ZCCHC7: variants seen among roughly 807,000 people sequenced by gnomAD.
The protein encoded by ZCCHC7 is zinc finger CCHC-type containing 7.
Under a neutral mutation model 52.0 loss-of-function variants are expected in ZCCHC7, and 35 were observed. That is an observed-to-expected ratio of 0.67 (90% confidence interval 0.51 to 0.89). The LOEUF (loss-of-function observed/expected upper bound fraction) is 0.89, where lower values mean the gene tolerates loss of function less well. Among genes scored for constraint, ZCCHC7 ranks in the 40% least tolerant of loss-of-function variants. ZCCHC7 has a pLI of 0.00. For synonymous variants in ZCCHC7, 217 were observed against 221.5 expected (o/e 0.98, Z 0.18); for missense variants, 574 against 649.1 (o/e 0.88, Z 1.26).
intron 2 of ZCCHC7, among the ~76,000 whole-genome samples, chr9:37,223,910 T>A (rs1824958519): frequency 6.6e-6 from 1 of 152,098 alleles, no homozygotes. Context: ...CCATTTTTCA[T>A]TTAAAAAAAT....
chr9:37,335,965 T>C (rs973007240), intron 6 of ZCCHC7, among the ~76,000 whole-genome samples: 18 of 152,174 alleles, frequency 1.2e-4, no homozygotes, highest in Non-Finnish European at 2.9e-5. Context: ...AAATAAATTA[T>C]ATAAATATTT....
chr9:37,275,051 C>A (rs1827616894), intron 2 of ZCCHC7, among the ~76,000 whole-genome samples: 2 of 152,188 alleles, frequency 1.3e-5, no homozygotes, highest in Non-Finnish European at 2.9e-5. Context: ...ATCTGCCTGG[C>A]AAGTCTTTCT....
intron 2 of ZCCHC7, among the ~76,000 whole-genome samples, chr9:37,237,422 G>A (rs1304458436): frequency 6.6e-6 from 1 of 152,126 alleles, no homozygotes; most frequent in Non-Finnish European, 1.5e-5. Flanking sequence ...TCAGGGTTCT[G>A]TCTTCATACT....
At chr9:37,120,453 G>T, upstream of ZCCHC7, 1 of 397,462 alleles carries the variant, frequency 2.5e-6, no homozygotes, top group South Asian at 1.3e-4. Context: ...CATCAGGCGC[G>T]GCAGGTGGGC....
chr9:37,345,806 T>A (rs1820928374), intron 6 of ZCCHC7, among the ~76,000 whole-genome samples: 1 of 152,198 alleles, frequency 6.6e-6, no homozygotes, highest in Non-Finnish European at 1.5e-5. Flanking sequence ...ATAAAACGGT[T>A]GTTATTTTTA....
At chr9:37,252,852 T>C (rs1383488214) in intron 2 of ZCCHC7, among the ~76,000 whole-genome samples, 1 of 152,174 alleles carries the variant, frequency 6.6e-6, no homozygotes, top group African/African-American at 2.4e-5. Context: ...TATTTTGTGT[T>C]AGAGGTAACT....
Position 37,260,246 on chromosome 9 carries a change from G to A in ZCCHC7, c.611-41942G>A, listed in dbSNP as rs951164671. On this transcript the variant is annotated intron_variant, in intron 2 of 8. Coordinates refer to ENST00000336755, the MANE Select transcript of ZCCHC7 (RefSeq NM_032226.3). ...CACTGTATATCCCCAGTGCTGAGCC[G>A]CTCTTTCATGGGGCTGCTGCCATCA... Among the ~76,000 whole-genome samples, 9 of 152,178 alleles carry A rather than the reference G, an allele frequency of 5.9e-5. No individual in the cohort carries two copies. In the South Asian group the frequency reaches 6.2e-4, roughly 11 times the overall value.
intron 5 of ZCCHC7, among the ~76,000 whole-genome samples, chr9:37,326,415 T>C (rs1830241114): frequency 6.6e-6 from 1 of 151,530 alleles, no homozygotes; most frequent in Non-Finnish European, 1.5e-5. Flanking sequence ...ACACTTTAGT[T>C]TCCAGGAATT....
At chr9:37,187,557 C>G (rs1388870651) in intron 2 of ZCCHC7, among the ~76,000 whole-genome samples, 1 of 152,180 alleles carries the variant, frequency 6.6e-6, no homozygotes, top group Admixed American at 6.5e-5. Flanking sequence ...CTTGTCTTGA[C>G]AGTATCATGC....
intron 2 of ZCCHC7, chr9:37,205,382 C>G (rs956204012): frequency 6.2e-6 from 1 of 160,658 alleles, no homozygotes; most frequent in African/African-American, 2.4e-5. Flanking sequence ...CAGGTTCCTC[C>G]CTTACTAGAA....
At chr9:37,122,774 T>C (rs1193207857) in intron 1 of ZCCHC7, among the ~76,000 whole-genome samples, 1 of 152,154 alleles carries the variant, frequency 6.6e-6, no homozygotes, top group African/African-American at 2.4e-5. Context: ...CCGTCTCTGC[T>C]AAGAATACAA....
intron 2 of ZCCHC7, among the ~76,000 whole-genome samples, chr9:37,202,667 A>T (rs925465215): frequency 3.3e-5 from 5 of 152,036 alleles, no homozygotes; most frequent in Admixed American, 2.0e-4. Context: ...TTTTTTGTAG[A>T]GATGGGGTTT....
At chr9:37,144,421 G>T (rs1053539475) in intron 2 of ZCCHC7, among the ~76,000 whole-genome samples, 6 of 151,684 alleles carry the variant, frequency 4.0e-5, no homozygotes, top group African/African-American at 1.5e-4. Context: ...GTTATTTGTG[G>T]GTTCATGTCA....
intron 2 of ZCCHC7, among the ~76,000 whole-genome samples, chr9:37,167,681 A>G (rs1213812132): frequency 1.3e-5 from 2 of 152,198 alleles, no homozygotes; most frequent in African/African-American, 4.8e-5. Context: ...CCTTTGTTCT[A>G]GGATAAAATT....
At chr9:37,190,068 C>G (rs1177881695) in intron 2 of ZCCHC7, among the ~76,000 whole-genome samples, 1 of 152,184 alleles carries the variant, frequency 6.6e-6, no homozygotes, top group African/African-American at 2.4e-5. Flanking sequence ...TTTAGTTACT[C>G]TCTTCTGCTG....
chr9:37,349,223 G>T (rs894545746), intron 6 of ZCCHC7, 134 bp from the exon 7 acceptor site: 1 of 703,038 alleles, frequency 1.4e-6, no homozygotes, highest in African/African-American at 1.8e-5. Context: ...ATATGGAATC[G>T]CCTGAATACA....
At chr9:37,214,002 A>ATGTG (rs148278811) in intron 2 of ZCCHC7, among the ~76,000 whole-genome samples, 9 of 149,750 alleles carry the variant, frequency 6.0e-5, no homozygotes, top group African/African-American at 1.5e-4. Flanking sequence ...AATGGTGTGT[A>ATGTG]TGTGTGTGTG....
intron 2 of ZCCHC7, among the ~76,000 whole-genome samples, chr9:37,158,041 A>C (rs1820908092): frequency 6.6e-6 from 1 of 152,210 alleles, no homozygotes; most frequent in South Asian, 2.1e-4. Flanking sequence ...GATGTACTTC[A>C]ACTGGTTGAA....
intron 2 of ZCCHC7, among the ~76,000 whole-genome samples, chr9:37,189,832 C>T (rs1239634746): frequency 6.6e-6 from 1 of 152,178 alleles, no homozygotes; most frequent in African/African-American, 2.4e-5. Flanking sequence ...GTGTGCCAAA[C>T]ATTGGACTGT....
Sources: gnomAD v4.1 joint callset for allele counts (sites outside exome capture counted in the v4.1 genomes callset) on GRCh38, gnomAD v4.1.1 for gene constraint, MANE v1.5 for transcripts, NCBI Gene and HGNC (gene_info 2026-07-23, HGNC 2026-07-21) for gene names.